The following NKAIN2 variants were observed in gnomAD, a reference collection of about 807,000 sequenced individuals.
NKAIN2 encodes sodium/potassium-transporting ATPase subunit beta-1-interacting protein 2.
A neutral mutation model predicts 32.6 loss-of-function variants in NKAIN2; 14 were observed. The ratio of observed to expected loss-of-function variants is 0.43; its 90% CI spans 0.28 to 0.67. The LOEUF (loss-of-function observed/expected upper bound fraction) is 0.67. NKAIN2 is among the 30% of genes least tolerant of loss of function. NKAIN2 has a pLI of 0.17. For missense variants in NKAIN2, 198 were observed against 258.3 expected, an observed-to-expected ratio of 0.77 and a Z score of 1.60; for synonymous variants, 80 against 87.2, an observed-to-expected ratio of 0.92 and a Z score of 0.46.
intron 1 of NKAIN2, among the ~76,000 whole-genome samples, chr6:123,825,742 T>C (rs897390023): frequency 6.6e-6 from 1 of 152,136 alleles, no homozygotes; most frequent in Non-Finnish European, 1.5e-5. Context: ...TTGTCATCTA[T>C]TAAAATCCCC....
At chr6:124,788,871 A>C (rs955461098) in intron 4 of NKAIN2, among the ~76,000 whole-genome samples, 9 of 152,086 alleles carry the variant, frequency 5.9e-5, no homozygotes, top group Non-Finnish European at 1.2e-4. Context: ...ATTAAATTAG[A>C]AATTTATATT....
At chr6:124,421,834 T>A (rs332598) in intron 3 of NKAIN2, among the ~76,000 whole-genome samples, 29,306 of 152,014 alleles carry the variant, frequency 0.19, 2,903 homozygotes, top group East Asian at 0.24. Context: ...CAGGGAAGGG[T>A]TCTTTCTCGC....
intron 1 of NKAIN2, among the ~76,000 whole-genome samples, chr6:124,210,960 AGGATATCCAGTACTATGTC>A (rs1182796925): frequency 6.1e-4 from 92 of 150,602 alleles, no homozygotes; most frequent in African/African-American, 2.1e-3. Context: ...TGCCCTGGCA[AGGATATCCAGTACTATGTC>A]AAATAAGTGT....
chr6:124,308,443 CAT>C (rs1044001990), intron 2 of NKAIN2, among the ~76,000 whole-genome samples: 3 of 152,106 alleles, frequency 2.0e-5, no homozygotes, highest in African/African-American at 4.8e-5. Flanking sequence ...GCCAAGTTTA[CAT>C]GAGATATAAA....
chr6:124,360,459 G>T (rs1433489418), intron 3 of NKAIN2, among the ~76,000 whole-genome samples: 3 of 151,854 alleles, frequency 2.0e-5, no homozygotes, highest in Non-Finnish European at 4.4e-5. Context: ...TGATACACAG[G>T]ACTAACCCTT....
intron 1 of NKAIN2, among the ~76,000 whole-genome samples, chr6:123,821,720 T>C (rs1773931214): frequency 6.6e-6 from 1 of 151,790 alleles, no homozygotes; most frequent in Non-Finnish European, 1.5e-5. Flanking sequence ...GAGCAAGGAG[T>C]GTGGCTGTGG....
chr6:123,882,101 T>C (rs1349871755), intron 1 of NKAIN2, among the ~76,000 whole-genome samples: 1 of 152,140 alleles, frequency 6.6e-6, no homozygotes, highest in African/African-American at 2.4e-5. Context: ...CACTAATCAG[T>C]AATTTCCACT....
chr6:124,220,450 CT>C lies in NKAIN2; in HGVS notation c.55-62547del, dbSNP rs568778508. Among the ~76,000 whole-genome samples the C allele has an allele frequency of 7.4e-3, 620 of 83,550 alleles. 1 individual carries two copies. The highest frequency in any genetic ancestry group is 0.012 in the Middle Eastern group (2 of 168). 54.8% of individuals were successfully genotyped at this position (83,550 alleles called of 152,430 possible). A position where few individuals can be genotyped will look rare whatever the true frequency, so the allele number is the denominator to read the frequency against. ...ACATCTTATTGATGTATGCACTCTC[CT>C]TTTTTTTCCCTTTTTTTGGGGCCAT... On this transcript the variant is annotated intron_variant, in intron 1 of 6. Transcript: ENST00000368417.
At chr6:123,934,964 T>G (rs1376116089) in intron 1 of NKAIN2, among the ~76,000 whole-genome samples, 1 of 150,696 alleles carries the variant, frequency 6.6e-6, no homozygotes, top group East Asian at 1.9e-4. Context: ...ATTAAGAAAC[T>G]GTCTTCAATG....
chr6:124,388,958 G>A (rs1471106348), intron 3 of NKAIN2, among the ~76,000 whole-genome samples: 4 of 152,038 alleles, frequency 2.6e-5, no homozygotes, highest in African/African-American at 4.8e-5. Context: ...CAGAAAACAC[G>A]TATGTGTTTA....
At chr6:124,545,830 GA>G (rs1780076651) in intron 3 of NKAIN2, among the ~76,000 whole-genome samples, 2 of 152,008 alleles carry the variant, frequency 1.3e-5, no homozygotes, top group African/African-American at 2.4e-5. Flanking sequence ...ACTACAAAAT[GA>G]AATGACACAA....
At chr6:124,267,012 A>G (rs1447253707) in intron 1 of NKAIN2, among the ~76,000 whole-genome samples, 1 of 151,682 alleles carries the variant, frequency 6.6e-6, no homozygotes, top group Non-Finnish European at 1.5e-5. Context: ...AAAGATAGAA[A>G]AGACATTTTA....
intron 1 of NKAIN2, among the ~76,000 whole-genome samples, chr6:123,935,592 G>A (rs1200516438): frequency 6.6e-6 from 1 of 151,886 alleles, no homozygotes; most frequent in African/African-American, 2.4e-5. Flanking sequence ...CTTATTAAAT[G>A]TTATTAGAAA....
At chr6:124,107,774 A>G (rs1458573124) in intron 1 of NKAIN2, among the ~76,000 whole-genome samples, 1 of 152,096 alleles carries the variant, frequency 6.6e-6, no homozygotes, top group Admixed American at 6.6e-5. Context: ...TAGATTCCTC[A>G]TATAAGTATC....
chr6:124,190,634 C>T (rs899619159), intron 1 of NKAIN2, among the ~76,000 whole-genome samples: 29 of 152,016 alleles, frequency 1.9e-4, no homozygotes, highest in African/African-American at 6.0e-4. Flanking sequence ...TCTTAATAAG[C>T]GTATACCCAG....
intron 1 of NKAIN2, among the ~76,000 whole-genome samples, chr6:124,112,112 C>G (rs185543536): frequency 6.6e-6 from 1 of 152,038 alleles, no homozygotes; most frequent in Non-Finnish European, 1.5e-5. Context: ...TACAATAATA[C>G]AATATTTTAT....
At chr6:124,789,879 T>C (rs1414554020) in intron 4 of NKAIN2, among the ~76,000 whole-genome samples, 2 of 152,108 alleles carry the variant, frequency 1.3e-5, no homozygotes, top group African/African-American at 2.4e-5. Context: ...TCTTCTGATA[T>C]AGCATCAGTG....
chr6:124,506,025 A>T (rs1323190570), intron 3 of NKAIN2, among the ~76,000 whole-genome samples: 1 of 151,880 alleles, frequency 6.6e-6, no homozygotes, highest in African/African-American at 2.4e-5. Context: ...TACAAAAAAT[A>T]AAAAAAATTA....
intron 2 of NKAIN2, among the ~76,000 whole-genome samples, chr6:124,330,009 T>C (rs975542743): frequency 3.3e-5 from 5 of 152,180 alleles, no homozygotes; most frequent in East Asian, 1.9e-4. Flanking sequence ...AATGTAATCA[T>C]CTGTTACTGA....
Sources: allele counts gnomAD v4.1 joint callset (sites outside exome capture counted in the v4.1 genomes callset), GRCh38; gene constraint gnomAD v4.1.1; transcripts MANE v1.5; gene names NCBI Gene and HGNC (gene_info 2026-07-23, HGNC 2026-07-21).